The following SYNPR variants were observed in gnomAD, a reference collection of about 807,000 sequenced individuals.
The protein encoded by SYNPR is synaptoporin.
A neutral mutation model predicts 32.9 loss-of-function variants in SYNPR; 23 were observed. The observed-to-expected ratio is 0.70, with a 90% confidence interval of 0.50 to 0.99. The LOEUF (loss-of-function observed/expected upper bound fraction) is 0.99. SYNPR is among the 50% of genes least tolerant of loss of function. SYNPR has a pLI of 0.00. For synonymous variants in SYNPR, 146 were observed against 135.9 expected, an observed-to-expected ratio of 1.07 and a Z score of -0.52; for missense variants, 318 against 349.3, an observed-to-expected ratio of 0.91 and a Z score of 0.71.
chr3:63,228,974 T>A (rs1014153376), intron 1 of SYNPR, among the ~76,000 whole-genome samples: 1 of 152,184 alleles, frequency 6.6e-6, no homozygotes, highest in East Asian at 1.9e-4. Context: ...AACATTTAGA[T>A]GTTCTCTAAA....
chr3:63,270,054 A>T (rs1193430332), intron 3 of SYNPR, among the ~76,000 whole-genome samples: 1 of 152,200 alleles, frequency 6.6e-6, no homozygotes, highest in Non-Finnish European at 1.5e-5. Context: ...AGATACAAAG[A>T]GCATAGGATA....
intron 3 of SYNPR, among the ~76,000 whole-genome samples, chr3:63,516,363 C>A (rs1701800378): frequency 6.6e-6 from 1 of 152,086 alleles, no homozygotes; most frequent in South Asian, 2.1e-4. Context: ...ATAGAATACT[C>A]AGGAGCTTCT....
intron 3 of SYNPR, among the ~76,000 whole-genome samples, chr3:63,540,941 ACAC>A (rs1702290835): frequency 6.8e-6 from 1 of 148,034 alleles, no homozygotes; most frequent in Admixed American, 6.8e-5. Context: ...ACACACACAC[ACAC>A]ACACACACAC....
At chr3:63,221,340 G>C in the SYNPR span, among the ~76,000 whole-genome samples, 1 of 152,106 alleles carries the variant, frequency 6.6e-6, no homozygotes, top group African/African-American at 2.4e-5. Flanking sequence ...GGGGGCTCTA[G>C]GGTTGAGCAT....
At chr3:63,401,176 A>G (rs2088285283) in intron 2 of SYNPR, among the ~76,000 whole-genome samples, 1 of 152,168 alleles carries the variant, frequency 6.6e-6, no homozygotes, top group South Asian at 2.1e-4. Flanking sequence ...TCATAAAGGT[A>G]TTAGAAGGAA....
At chr3:63,595,737 ATAT>A (rs1699928259) in intron 4 of SYNPR, among the ~76,000 whole-genome samples, 3 of 35,138 alleles carry the variant, frequency 8.5e-5, no homozygotes, top group African/African-American at 7.4e-4. Context: ...ATATATATAT[ATAT>A]ATATATATAT....
chr3:63,244,213 A>G (rs2086268407), intron 1 of SYNPR, among the ~76,000 whole-genome samples: 1 of 152,032 alleles, frequency 6.6e-6, no homozygotes, highest in Non-Finnish European at 1.5e-5. Flanking sequence ...AACCTGAAGG[A>G]ACTGGAGCCA....
intron 2 of SYNPR, among the ~76,000 whole-genome samples, chr3:63,407,828 G>C (rs9870667): frequency 2.6e-5 from 4 of 151,910 alleles, no homozygotes; most frequent in Non-Finnish European, 5.9e-5. Context: ...ACAGATGCTA[G>C]GGCTCTCACT....
At chr3:63,441,246 TA>T in intron 2 of SYNPR, among the ~76,000 whole-genome samples, 1 of 152,336 alleles carries the variant, frequency 6.6e-6, no homozygotes, top group Middle Eastern at 3.4e-3. Context: ...CATAGAATAG[TA>T]TCTGGCAAGG....
intron 2 of SYNPR, among the ~76,000 whole-genome samples, chr3:63,319,623 G>A (rs1362599543): frequency 6.6e-6 from 1 of 151,486 alleles, no homozygotes; most frequent in Admixed American, 6.6e-5. Context: ...AGAAATTGAA[G>A]AGGACACATA....
chr3:63,613,091 G>A (rs925973030), intron 5 of SYNPR, among the ~76,000 whole-genome samples: 1 of 151,378 alleles, frequency 6.6e-6, no homozygotes, highest in Non-Finnish European at 1.5e-5. Context: ...TGCTGCCTCA[G>A]CCTTCCAAGT....
At chr3:63,493,962 TA>T (rs1163132731) in intron 3 of SYNPR, among the ~76,000 whole-genome samples, 1 of 152,020 alleles carries the variant, frequency 6.6e-6, no homozygotes, top group African/African-American at 2.4e-5. Flanking sequence ...ACTGCTGACC[TA>T]AAAAGAATCA....
At position 63,278,474 on chromosome 3, in the gene SYNPR, C is replaced by T; in HGVS notation, c.-60C>T. 1 of 1,526,792 alleles carries T rather than the reference C, an allele frequency of 6.5e-7. No individual in the cohort carries two copies. Among genetic ancestry groups the T allele is most frequent in the Non-Finnish European group, 8.8e-7 (1 of 1,134,232 alleles). The allele number at this position is 1,526,792 out of a possible 1,614,324, so 94.6% of individuals were successfully genotyped here. The stretch of plus-strand genomic sequence containing the variant: ...GCTTCTGGCCCTGAGGACGGTGGTG[C>T]CAAGCGAACTTCATTTTTAAAAAGA... On this transcript the variant is annotated 5_prime_UTR_variant, in exon 1 of 6. Coordinates refer to ENST00000478300, the MANE Select transcript of SYNPR (RefSeq NM_001130003.2).
chr3:63,605,400 G>GAGGGA (rs1363231753), intron 4 of SYNPR, among the ~76,000 whole-genome samples: 1 of 152,224 alleles, frequency 6.6e-6, no homozygotes, highest in African/African-American at 2.4e-5. Context: ...ATTCTGGACA[G>GAGGGA]AGGGAACAGC....
chr3:63,597,247 T>A (rs941663466), intron 4 of SYNPR, among the ~76,000 whole-genome samples: 8 of 152,176 alleles, frequency 5.3e-5, no homozygotes, highest in Admixed American at 5.2e-4. Context: ...AAGTCATTTT[T>A]AAAATTTAAA....
At chr3:63,261,898 G>A (rs2086441324) in intron 2 of SYNPR, among the ~76,000 whole-genome samples, 1 of 150,908 alleles carries the variant, frequency 6.6e-6, no homozygotes, top group South Asian at 2.1e-4. Context: ...GAGAGTGGAG[G>A]GATAGCATTA....
At chr3:63,581,011 G>A (rs1210510788) in intron 4 of SYNPR, among the ~76,000 whole-genome samples, 2 of 152,246 alleles carry the variant, frequency 1.3e-5, no homozygotes, top group East Asian at 3.9e-4. Flanking sequence ...CATACAATGA[G>A]TCAGTGAAGA....
chr3:63,302,105 T>C (rs1009196638), intron 2 of SYNPR, among the ~76,000 whole-genome samples: 1 of 152,118 alleles, frequency 6.6e-6, no homozygotes, highest in African/African-American at 2.4e-5. Context: ...TTCATCATTT[T>C]CTACCCAGTT....
intron 4 of SYNPR, among the ~76,000 whole-genome samples, chr3:63,560,803 G>A (rs75701613): frequency 2.0e-5 from 3 of 151,902 alleles, no homozygotes; most frequent in Non-Finnish European, 4.4e-5. Flanking sequence ...AGAACAGCAG[G>A]GGGGGAACCA....
Sources: gnomAD v4.1 joint callset for allele counts (sites outside exome capture counted in the v4.1 genomes callset) on GRCh38, gnomAD v4.1.1 for gene constraint, MANE v1.5 for transcripts, NCBI Gene and HGNC (gene_info 2026-07-23, HGNC 2026-07-21) for gene names.